The following CUX1 variants were observed in gnomAD, a reference collection of about 807,000 sequenced individuals.
The protein encoded by CUX1 is protein CASP.
Under a neutral mutation model 158.8 loss-of-function variants are expected in CUX1, and 31 were observed. That is an observed-to-expected ratio of 0.20 (90% CI 0.15 to 0.26). The LOEUF (loss-of-function observed/expected upper bound fraction) is 0.26, where lower values mean the gene tolerates loss of function less well. CUX1 is among the 10% of genes least tolerant of loss of function. The probability of loss-of-function intolerance (pLI) is 1.00; values close to 1 mark genes in which losing one functional copy is unlikely to be tolerated. For synonymous variants in CUX1, 879 were observed against 862.1 expected (o/e 1.02, Z -0.34); for missense variants, 1,589 against 2,014.6 (o/e 0.79, Z 4.04).
intron 1 of CUX1, among the ~76,000 whole-genome samples, chr7:101,876,754 C>G (rs145544812): frequency 6.2e-4 from 94 of 151,916 alleles, no homozygotes; most frequent in African/African-American, 2.1e-3. Context: ...TATATATACA[C>G]ACACACACTG....
chr7:102,234,848 C>T (rs542540036), intron 22 of CUX1, among the ~76,000 whole-genome samples: 13 of 151,950 alleles, frequency 8.6e-5, no homozygotes, highest in African/African-American at 3.1e-4. Context: ...ACAAGAATCG[C>T]TTGAACCCTG....
intron 14 of CUX1, among the ~76,000 whole-genome samples, chr7:102,196,428 A>T (rs1418955107): frequency 6.6e-6 from 1 of 152,216 alleles, no homozygotes; most frequent in Non-Finnish European, 1.5e-5. Context: ...ACATGAATGC[A>T]TGTTGCTTGT....
Position 102,155,758 on chromosome 7 carries a change from G to A in CUX1, c.675-2802G>A, listed in dbSNP as rs1789682358. ...TTTTTAATTACCATTTGTAGTATTA[G>A]ACTATCTTTGCACAGCAATTTTTCT... On this transcript the variant is annotated intron_variant, in intron 8 of 23. Transcript: ENST00000292535. 2.6e-5 allele frequency among the ~76,000 whole-genome samples: 4 copies of A among 152,036 alleles called. No individual in the cohort carries two copies. In the South Asian group the frequency reaches 8.3e-4, roughly 32 times the overall value.
intron 2 of CUX1, among the ~76,000 whole-genome samples, chr7:101,928,681 T>G (rs1369662240): frequency 7.2e-6 from 1 of 139,660 alleles, no homozygotes; most frequent in Non-Finnish European, 1.6e-5. Flanking sequence ...TGGACTTTTT[T>G]TTTTTTTGAG....
intron 2 of CUX1, among the ~76,000 whole-genome samples, chr7:102,023,589 G>A (rs889951097): frequency 5.9e-5 from 9 of 152,296 alleles, no homozygotes; most frequent in Admixed American, 2.6e-4. Context: ...GCCTCCCAAT[G>A]TGCTGGGACT....
At chr7:101,952,333 A>G (rs1809172143) in intron 2 of CUX1, among the ~76,000 whole-genome samples, 1 of 152,298 alleles carries the variant, frequency 6.6e-6, no homozygotes, top group East Asian at 1.9e-4. Context: ...GTGAGCCGTG[A>G]TTGCGCCACT....
intron 1 of CUX1, among the ~76,000 whole-genome samples, chr7:101,847,629 A>C (rs1305154949): frequency 1.3e-5 from 2 of 152,032 alleles, no homozygotes; most frequent in Admixed American, 1.3e-4. Flanking sequence ...TTTATTTTAG[A>C]GATGGGGTCT....
intron 23 of CUX1, among the ~76,000 whole-genome samples, chr7:102,245,591 A>C (rs1244685681): frequency 6.6e-6 from 1 of 152,308 alleles, no homozygotes; most frequent in Non-Finnish European, 1.5e-5. Context: ...TGGGTCCTAC[A>C]TCATACATTT....
intron 4 of CUX1, among the ~76,000 whole-genome samples, chr7:102,078,617 C>G (rs148562282): frequency 4.7e-4 from 72 of 152,292 alleles, no homozygotes; most frequent in Non-Finnish European, 7.9e-4. Flanking sequence ...AGATTTAAAT[C>G]TTAGGAAGCA....
intron 2 of CUX1, among the ~76,000 whole-genome samples, chr7:102,007,726 G>C (rs752658374): frequency 4.6e-5 from 7 of 150,846 alleles, no homozygotes; most frequent in Non-Finnish European, 1.0e-4. Flanking sequence ...ACCCACCTCT[G>C]GTGTTTTTTT....
chr7:102,238,234 G>A (rs904345341), intron 22 of CUX1, among the ~76,000 whole-genome samples: 1 of 151,972 alleles, frequency 6.6e-6, no homozygotes, highest in South Asian at 2.1e-4. Context: ...TCCCTTTCCC[G>A]GTCTGCTAAG....
At chr7:102,007,082 A>G (rs1477321056) in intron 2 of CUX1, among the ~76,000 whole-genome samples, 1 of 152,098 alleles carries the variant, frequency 6.6e-6, no homozygotes, top group Non-Finnish European at 1.5e-5. Flanking sequence ...CACGGAGCCT[A>G]GATGCCCCGA....
intron 19 of CUX1, among the ~76,000 whole-genome samples, chr7:102,280,276 G>A (rs1005943457): frequency 4.6e-5 from 7 of 151,828 alleles, no homozygotes; most frequent in African/African-American, 1.2e-4. Flanking sequence ...GCCTTGCCAC[G>A]CCAGCCCTGC....
At chr7:102,226,662 A>G (rs1798375054) in intron 20 of CUX1, among the ~76,000 whole-genome samples, 1 of 151,992 alleles carries the variant, frequency 6.6e-6, no homozygotes, top group African/African-American at 2.4e-5. Flanking sequence ...TCTCACTCTC[A>G]CTCTGTCACC....
chr7:102,202,739 A>T (rs1270097763), intron 18 of CUX1, among the ~76,000 whole-genome samples: 1 of 152,216 alleles, frequency 6.6e-6, no homozygotes, highest in Non-Finnish European at 1.5e-5. Flanking sequence ...GATATTGTTC[A>T]GTCAGAGAGG....
chr7:102,013,035 C>T (rs890516671), intron 2 of CUX1, among the ~76,000 whole-genome samples: 16 of 151,262 alleles, frequency 1.1e-4, no homozygotes, highest in African/African-American at 3.7e-4. Flanking sequence ...GTGGTGTTCG[C>T]TAAGATGTAG....
chr7:102,178,887 C>T (rs183754968), intron 11 of CUX1, among the ~76,000 whole-genome samples: 4 of 151,982 alleles, frequency 2.6e-5, no homozygotes, highest in East Asian at 1.9e-4. Context: ...TTTTTGGAGT[C>T]GGAGTCTCGC....
intron 1 of CUX1, among the ~76,000 whole-genome samples, chr7:101,849,289 T>G (rs1026314648): frequency 1.3e-5 from 2 of 152,094 alleles, no homozygotes. Context: ...CATTAGTTTT[T>G]TTTTTTTTTT....
Position 101,916,091 on chromosome 7 carries a change from T to C in CUX1, c.31-24T>C. 1 of 1,554,850 alleles carries C rather than the reference T, an allele frequency of 6.4e-7. No homozygotes were observed. The highest frequency in any genetic ancestry group is 8.9e-7 in the Non-Finnish European group (1 of 1,126,568). ...TACACAGTGCAATTACAATCTCACT[T>C]TTCCTTTCCTGTTTCCCCAACAGAG... On this transcript the variant is annotated intron_variant, in intron 1 of 23. Transcript: ENST00000292535. The surrounding 1 kb of genome is among the most constrained non-coding windows in gnomAD (Gnocchi z 4.4).
Sources: allele counts gnomAD v4.1 joint callset (sites outside exome capture counted in the v4.1 genomes callset), GRCh38; gene constraint gnomAD v4.1.1; non-coding constraint Gnocchi (gnomAD v3.1); transcripts MANE v1.5; gene names NCBI Gene and HGNC (gene_info 2026-07-23, HGNC 2026-07-21).